Variants in TENM4 observed in about 807,000 individuals in gnomAD.
The protein encoded by TENM4 is teneurin-4.
A neutral mutation model predicts 243.3 loss-of-function variants in TENM4; 82 were observed. That is an observed-to-expected ratio of 0.34 (90% CI 0.28 to 0.40). TENM4 has a LOEUF of 0.40. Among genes scored for constraint, TENM4 ranks in the 10% least tolerant of loss-of-function variants. The probability of loss-of-function intolerance (pLI) is 1.00; values close to 1 mark genes in which losing one functional copy is unlikely to be tolerated. For synonymous variants in TENM4, 1,412 were observed against 1,456.3 expected, an observed-to-expected ratio of 0.97 and a Z score of 0.69; for missense variants, 3,138 against 3,673.3, an observed-to-expected ratio of 0.85 and a Z score of 3.77.
chr11:79,146,635 A>G (rs1390568951), intron 4 of TENM4, among the ~76,000 whole-genome samples: 3 of 152,034 alleles, frequency 2.0e-5, no homozygotes, highest in Non-Finnish European at 4.4e-5. Flanking sequence ...AACATTCCCT[A>G]AACTCTGAGA....
intron 21 of TENM4, among the ~76,000 whole-genome samples, chr11:78,730,927 A>T (rs1764908103): frequency 6.6e-6 from 1 of 152,246 alleles, no homozygotes; most frequent in African/African-American, 2.4e-5. Context: ...AGCCCCTGGC[A>T]TGACTGAAGT....
intron 6 of TENM4, among the ~76,000 whole-genome samples, chr11:79,038,537 T>C (rs1859442148): frequency 6.6e-6 from 1 of 152,192 alleles, no homozygotes; most frequent in Admixed American, 6.5e-5. Flanking sequence ...TATTTAAAAA[T>C]AGATTTGAGT....
At chr11:78,846,704 T>C (rs1240577754) in intron 12 of TENM4, among the ~76,000 whole-genome samples, 2 of 136,194 alleles carry the variant, frequency 1.5e-5, no homozygotes, top group Non-Finnish European at 3.3e-5. Context: ...TACTAGCCCA[T>C]GAGAAACCTC....
chr11:78,856,280 A>G (rs1858678577), intron 10 of TENM4, 102 bp from the exon 11 acceptor site: 4 of 989,272 alleles, frequency 4.0e-6, no homozygotes, highest in Non-Finnish European at 4.5e-6. Context: ...TTAGCCTCAC[A>G]TCCTTCTCTA....
chr11:79,237,898 G>T (rs1025472113), intron 2 of TENM4, among the ~76,000 whole-genome samples: 1 of 152,080 alleles, frequency 6.6e-6, no homozygotes, highest in African/African-American at 2.4e-5. Context: ...CATACACACT[G>T]TTAGTAACTC....
chr11:78,969,959 T>G (rs1857507546), intron 6 of TENM4, among the ~76,000 whole-genome samples: 1 of 152,260 alleles, frequency 6.6e-6, no homozygotes. Context: ...ATTCAACCTT[T>G]CCAGAAACAT....
At chr11:79,017,013 A>G (rs188082304) in intron 6 of TENM4, among the ~76,000 whole-genome samples, 1 of 152,236 alleles carries the variant, frequency 6.6e-6, no homozygotes, top group Admixed American at 6.5e-5. Flanking sequence ...GCTCAATGTG[A>G]TGTTTATAGA....
chr11:78,994,137 G>A (rs1858112802), intron 6 of TENM4, among the ~76,000 whole-genome samples: 1 of 152,212 alleles, frequency 6.6e-6, no homozygotes, highest in African/African-American at 2.4e-5. Context: ...TCTCCAGTGT[G>A]TAGTGGAAGC....
Position 78,805,482 on chromosome 11 carries a change from C to T in TENM4, c.1989G>A (p.Met663Ile), listed in dbSNP as rs759970081. 52 of 1,578,684 alleles carry T rather than the reference C, an allele frequency of 3.3e-5. No homozygotes were observed. Among genetic ancestry groups the T allele is most frequent in the Non-Finnish European group, 4.2e-5 (49 of 1,161,908 alleles). ...CACCCCGGCCTGAACATGTGGGGTCCATGCAGTCCACTGTGAGATGGAGGA... is the reference window on the plus strand; with the variant it reads ...CACCCCGGCCTGAACATGTGGGGTCTATGCAGTCCACTGTGAGATGGAGGA... ...KGESCEEVDC[M>I]DPTCSGRGVC... Residue 663 changes from methionine (M) to isoleucine (I), a missense_variant, in exon 15 of 34, where the codon ATG becomes ATA. Transcript: ENST00000278550.
At chr11:79,297,631 A>C (rs961808845) in intron 1 of TENM4, 88 bp from the exon 2 acceptor site, 8 of 152,560 alleles carry the variant, frequency 5.2e-5, no homozygotes, top group Non-Finnish European at 1.0e-4. Flanking sequence ...ATTGGTTACC[A>C]ACTACTTATG....
chr11:79,319,820 C>T (rs116820220), intron 1 of TENM4, among the ~76,000 whole-genome samples: 2 of 152,202 alleles, frequency 1.3e-5, no homozygotes, highest in African/African-American at 4.8e-5. Flanking sequence ...AGAGGAGGAT[C>T]CCATGCTAAG....
At chr11:79,056,171 C>G (rs1460472840) in intron 6 of TENM4, among the ~76,000 whole-genome samples, 1 of 152,188 alleles carries the variant, frequency 6.6e-6, no homozygotes, top group East Asian at 1.9e-4. Context: ...AGTTTGTCAT[C>G]ATGCATGTTG....
At chr11:78,785,533 C>T (rs1856918448) in intron 16 of TENM4, among the ~76,000 whole-genome samples, 1 of 152,132 alleles carries the variant, frequency 6.6e-6, no homozygotes, top group African/African-American at 2.4e-5. Flanking sequence ...AGTTCCGTGA[C>T]CTTAAGCCTC....
At chr11:79,227,635 C>T (rs1295478313) in intron 2 of TENM4, among the ~76,000 whole-genome samples, 2 of 152,170 alleles carry the variant, frequency 1.3e-5, no homozygotes, top group Admixed American at 1.3e-4. Context: ...AAATGGGGGA[C>T]ACAAAAGCAG....
intron 12 of TENM4, among the ~76,000 whole-genome samples, chr11:78,847,079 C>T (rs949574019): frequency 1.3e-5 from 2 of 152,134 alleles, no homozygotes; most frequent in Non-Finnish European, 2.9e-5. Flanking sequence ...ACATAAGCCC[C>T]GGAACTATAG....
intron 19 of TENM4, among the ~76,000 whole-genome samples, chr11:78,742,444 G>A (rs1250272906): frequency 6.6e-6 from 1 of 152,162 alleles, no homozygotes; most frequent in African/African-American, 2.4e-5. Flanking sequence ...CTCTGTGTTA[G>A]GTGCTGAGTT....
intron 1 of TENM4, among the ~76,000 whole-genome samples, chr11:79,344,823 C>T (rs1285936585): frequency 6.6e-6 from 1 of 152,216 alleles, no homozygotes; most frequent in Non-Finnish European, 1.5e-5. Context: ...GGAAACTGCA[C>T]TTGGCTGGAA....
At chr11:79,062,878 G>A (rs1002341037) in intron 6 of TENM4, among the ~76,000 whole-genome samples, 4 of 152,096 alleles carry the variant, frequency 2.6e-5, no homozygotes, top group African/African-American at 9.7e-5. Context: ...GGGAGAAGCA[G>A]GGTTGCTGGC....
chr11:79,103,247 G>A (rs1035010228), intron 4 of TENM4, among the ~76,000 whole-genome samples: 1 of 151,958 alleles, frequency 6.6e-6, no homozygotes, highest in Non-Finnish European at 1.5e-5. Context: ...CAACCTCCAG[G>A]ACTCCCCCCT....
Sources: allele counts gnomAD v4.1 joint callset (sites outside exome capture counted in the v4.1 genomes callset), GRCh38; gene constraint gnomAD v4.1.1; transcripts MANE v1.5; gene names NCBI Gene and HGNC (gene_info 2026-07-23, HGNC 2026-07-21).